ADAM22: variants seen among roughly 807,000 people sequenced by gnomAD.
The protein encoded by ADAM22 is disintegrin and metalloproteinase domain-containing protein 22.
ADAM22 carries 65 observed loss-of-function variants against 144.6 expected under a neutral mutation model. That is an observed-to-expected ratio of 0.45 (90% CI 0.37 to 0.55). ADAM22 has a LOEUF of 0.55. ADAM22 is among the 20% of genes least tolerant of loss of function. ADAM22 has a pLI of 0.00. For missense variants in ADAM22, 974 were observed against 1,184.9 expected (o/e 0.82, Z 2.61); for synonymous variants, 391 against 412.6 (o/e 0.95, Z 0.63).
At chr7:88,182,076 G>C (rs1418461197) in intron 29 of ADAM22, 52 bp downstream of exon 29, 1 of 1,472,506 alleles carries the variant, frequency 6.8e-7, no homozygotes, top group African/African-American at 1.4e-5. Flanking sequence ...TGTGCAAATA[G>C]TGTCAAAAGT....
At chr7:88,078,611 C>T (rs901361388) in intron 4 of ADAM22, among the ~76,000 whole-genome samples, 21 of 152,036 alleles carry the variant, frequency 1.4e-4, no homozygotes, top group African/African-American at 4.1e-4. Flanking sequence ...AAAAATTAGA[C>T]GAATGGATAA....
At chr7:87,977,103 G>A (rs1418632858) in intron 2 of ADAM22, among the ~76,000 whole-genome samples, 1 of 152,100 alleles carries the variant, frequency 6.6e-6, no homozygotes, top group East Asian at 1.9e-4. Flanking sequence ...GAGGTACCCA[G>A]GTAGTTCTTA....
At chr7:88,030,134 G>T (rs1185017948) in intron 3 of ADAM22, among the ~76,000 whole-genome samples, 2 of 151,976 alleles carry the variant, frequency 1.3e-5, no homozygotes, top group Admixed American at 6.6e-5. Flanking sequence ...TTGTTTTCTA[G>T]ATCTTCTAGG....
rs954102266 is a variant in ADAM22, at chr7:88,181,517, C to G, written c.2508C>G (p.Leu836=). The G allele has an allele frequency of 2.5e-6, 4 of 1,613,412 alleles. No homozygotes were observed. Among genetic ancestry groups the G allele is most frequent in the East Asian group, 4.5e-5 (2 of 44,878 alleles). Residue 836 remains leucine, a synonymous_variant, in exon 28 of 32, where the codon CTC becomes CTG. Transcript: ENST00000413139. ...TTTTCAATTTCAGGTCAAATGGGCT[C>G]TCTCATTCTTGGAGTGAAAGGATTC... is the stretch of plus-strand genomic sequence containing the variant. ...ISLFCSRSNG[L]SHSWSERIPD...
intron 3 of ADAM22, among the ~76,000 whole-genome samples, chr7:88,066,822 A>G (rs1811373001): frequency 6.6e-6 from 1 of 152,078 alleles, no homozygotes; most frequent in Non-Finnish European, 1.5e-5. Context: ...TTCCAAGAGG[A>G]GGGGTGATCA....
intron 3 of ADAM22, among the ~76,000 whole-genome samples, chr7:88,031,188 G>A (rs867906901): frequency 6.6e-6 from 1 of 152,140 alleles, no homozygotes; most frequent in African/African-American, 2.4e-5. Flanking sequence ...GTTCTTTATA[G>A]TAATGTGAGA....
intron 30 of ADAM22, among the ~76,000 whole-genome samples, chr7:88,190,954 T>C (rs1327588021): frequency 1.3e-5 from 2 of 151,572 alleles, no homozygotes; most frequent in African/African-American, 2.4e-5. Flanking sequence ...AGTGTTATTA[T>C]TCTTTACTTC....
rs112393519 is a variant in ADAM22 at position 88,067,403 on chromosome 7, C to G, written c.324-8223C>G. On this transcript the variant is annotated intron_variant, in intron 3 of 31. Transcript: ENST00000413139. ...TAATGCTAACCCTCCCTCCTCCCCC[C>G]ACCCCACAACAGTCCCCGAGTACCT... Among the ~76,000 whole-genome samples, 822 of 151,942 alleles carry G rather than the reference C, an allele frequency of 5.4e-3. 10 individuals carry two copies. Among genetic ancestry groups the G allele is most frequent in the East Asian group, 0.036 (185 of 5,148 alleles).
intron 3 of ADAM22, among the ~76,000 whole-genome samples, chr7:88,040,256 T>C (rs905131659): frequency 3.3e-5 from 5 of 151,884 alleles, no homozygotes; most frequent in Non-Finnish European, 1.5e-5. Context: ...CTCAGCCTCC[T>C]GAGTAGCTGG....
chr7:88,072,260 GGCTTTTCTTT>G (rs1813035666), intron 3 of ADAM22, among the ~76,000 whole-genome samples: 1 of 152,062 alleles, frequency 6.6e-6, no homozygotes, highest in Admixed American at 6.6e-5. Context: ...CTGAGCAGAG[GGCTTTTCTTT>G]GCTGTAATTA....
At chr7:88,152,992 C>G (rs1306092673) in intron 20 of ADAM22, among the ~76,000 whole-genome samples, 1 of 152,080 alleles carries the variant, frequency 6.6e-6, no homozygotes, top group Non-Finnish European at 1.5e-5. Context: ...CAACAGAGAA[C>G]TAAATACATT....
At position 88,088,427 on chromosome 7, in the gene ADAM22, T is replaced by C. The variant is rs115735913; in HGVS notation, c.390+12735T>C. Among the ~76,000 whole-genome samples, 261 of 152,184 alleles carry C rather than the reference T, an allele frequency of 1.7e-3. 1 individual carries two copies. Among genetic ancestry groups the C allele is most frequent in the African/African-American group, 6.0e-3 (248 of 41,506 alleles). On this transcript the variant is annotated intron_variant, in intron 4 of 31. Transcript: ENST00000413139. ...CTCATTTTTCTAAGTCAGATTTCCA[T>C]TTCTTCTTTCTTAAAAAAGGGATAC...
intron 13 of ADAM22, among the ~76,000 whole-genome samples, 165 bp from the exon 14 acceptor site, chr7:88,135,815 T>G (rs1365505805): frequency 6.6e-6 from 1 of 152,196 alleles, no homozygotes; most frequent in Non-Finnish European, 1.5e-5. Flanking sequence ...ATATTTTTGT[T>G]GCATATTACA....
At chr7:88,177,295 A>G (rs1433114965) in intron 26 of ADAM22, among the ~76,000 whole-genome samples, 4 of 151,970 alleles carry the variant, frequency 2.6e-5, no homozygotes, top group Non-Finnish European at 4.4e-5. Flanking sequence ...GCACTAATGG[A>G]ATATTTTACT....
chr7:88,062,261 A>G (rs767127216), intron 3 of ADAM22, among the ~76,000 whole-genome samples: 2 of 152,208 alleles, frequency 1.3e-5, no homozygotes, highest in Non-Finnish European at 2.9e-5. Context: ...GTTGTGTGCT[A>G]TAGCCACCTT....
At chr7:88,026,191 G>A (rs981581118) in intron 3 of ADAM22, among the ~76,000 whole-genome samples, 1 of 152,160 alleles carries the variant, frequency 6.6e-6, no homozygotes, top group Non-Finnish European at 1.5e-5. Context: ...AGAAAAGAGG[G>A]TTCATTGGCA....
Position 88,057,214 on chromosome 7 carries a change from C to T in ADAM22, c.324-18412C>T, listed in dbSNP as rs113729842. On this transcript the variant is annotated intron_variant, in intron 3 of 31. Transcript: ENST00000413139. ...GGCTCAAGCAATCCTCCTGTATTGG[C>T]CTCCCAAAGTTCTAGGATTACAGGC... 5.0e-3 allele frequency among the ~76,000 whole-genome samples: 763 copies of T among 152,008 alleles called. 11 individuals are homozygous for T. Among genetic ancestry groups the T allele is most frequent in the East Asian group, 0.041 (211 of 5,160 alleles).
chr7:87,943,983 A>G (rs1437549348), intron 2 of ADAM22, among the ~76,000 whole-genome samples: 2 of 152,212 alleles, frequency 1.3e-5, no homozygotes, highest in Admixed American at 6.5e-5. Flanking sequence ...GCTTTTCTGC[A>G]GATAGGCCTT....
chr7:87,934,644 C>A, intron 1 of ADAM22, 94 bp downstream of exon 1: 1 of 1,190,420 alleles, frequency 8.4e-7, no homozygotes, highest in Admixed American at 2.9e-5. Context: ...TCCCCATTTC[C>A]CGAGTGCGCG....
Sources: gnomAD v4.1 joint callset for allele counts (sites outside exome capture counted in the v4.1 genomes callset) on GRCh38, gnomAD v4.1.1 for gene constraint, MANE v1.5 for transcripts, NCBI Gene and HGNC (gene_info 2026-07-23, HGNC 2026-07-21) for gene names.